The following SH3TC2 variants were observed in gnomAD, a reference collection of about 807,000 sequenced individuals.
SH3TC2 encodes the protein SH3 domain and tetratricopeptide repeats 2, also known as SH3 domain and tetratricopeptide repeat-containing protein 2.
SH3TC2 carries 87 observed loss-of-function variants against 124.5 expected under a neutral mutation model. The observed-to-expected ratio is 0.70, with a 90% CI of 0.59 to 0.84. The LOEUF is 0.84. Ranked by LOEUF, SH3TC2 falls within the 40% of genes least tolerant of loss-of-function variation. The pLI, the probability that SH3TC2 is intolerant of heterozygous loss-of-function variation, is 0.00. For synonymous variants in SH3TC2, 634 were observed against 628.5 expected (o/e 1.01, Z -0.13); for missense variants, 1,536 against 1,566.4 (o/e 0.98, Z 0.33).
At position 149,041,441 on chromosome 5, in the gene SH3TC2, C is replaced by T. The variant is rs1441555062; in HGVS notation, c.706G>A (p.Glu236Lys). Reference sequence around the variant, plus strand: ...TGGTGGAAAGGGAGAGGCAGAGGCTCCAAGGCTGACACCAGTACCAGGCCC... The same window carrying T: ...TGGTGGAAAGGGAGAGGCAGAGGCTTCAAGGCTGACACCAGTACCAGGCCC... Reference protein sequence around the residue: ...QRGLVLVSALEPLPLPFHQWF... With the variant: ...QRGLVLVSALKPLPLPFHQWF... Residue 236 changes from glutamate to lysine, a missense_variant, in exon 6 of 17, where the codon GAG (glutamate) becomes AAG (lysine). Transcript: ENST00000515425. 6.2e-7 allele frequency: 1 copy of T among 1,613,074 alleles called. No homozygotes were observed. The highest frequency in any genetic ancestry group is 1.3e-5 in the African/African-American group (1 of 74,886).
rs1378822623 is a variant in SH3TC2, at chr5:148,991,227, T to A, written c.*13484A>T. 6.6e-6 allele frequency among the ~76,000 whole-genome samples: 1 copy of A among 152,228 alleles called. No individual in the cohort carries two copies. Among genetic ancestry groups the A allele is most frequent in the African/African-American group, 2.4e-5 (1 of 41,462 alleles). Reference sequence around the variant, plus strand: ...CTCTATACAAAAGCTTTTACCCATATACCACATTGGATGTGAGAGTGAATA... The same window carrying A: ...CTCTATACAAAAGCTTTTACCCATAAACCACATTGGATGTGAGAGTGAATA... On this transcript the variant is annotated 3_prime_UTR_variant, in exon 17 of 17. Coordinates refer to ENST00000515425, the MANE Select transcript of SH3TC2 (RefSeq NM_024577.4).
At chr5:149,053,826 T>TA (rs150541469) in intron 1 of SH3TC2, among the ~76,000 whole-genome samples, 12 of 149,252 alleles carry the variant, frequency 8.0e-5, no homozygotes, top group South Asian at 2.1e-4. Context: ...TCATCCCAGC[T>TA]AAAAAAAAAA....
rs115296613 is a variant in SH3TC2, at chr5:148,990,513, G to A, written c.*14198C>T. Among the ~76,000 whole-genome samples, 278 of 152,240 alleles carry A rather than the reference G, an allele frequency of 1.8e-3. No homozygotes were observed. Among genetic ancestry groups the A allele is most frequent in the African/African-American group, 6.3e-3 (260 of 41,544 alleles). On this transcript the variant is annotated 3_prime_UTR_variant, in exon 17 of 17. Transcript: ENST00000515425. ...AAGGAGATCAGAGCAGCTTGGTGGCGAACAGCATGGGCCCTTGGACCAGAT... is the reference window on the plus strand; with the variant it reads ...AAGGAGATCAGAGCAGCTTGGTGGCAAACAGCATGGGCCCTTGGACCAGAT...
chr5:149,007,159 T>TA (rs1449999575), intron 15 of SH3TC2, 82 bp from the exon 16 acceptor site: 1 of 1,367,544 alleles, frequency 7.3e-7, no homozygotes, highest in Admixed American at 1.7e-5. Context: ...ATAAAACTTT[T>TA]TGAAGGTCTA....
Position 148,982,159 on chromosome 5 carries a change from T to A in SH3TC2, c.*22552A>T, listed in dbSNP as rs1753260516. Among the ~76,000 whole-genome samples, 1 of 149,514 alleles carries A rather than the reference T, an allele frequency of 6.7e-6. No homozygotes were observed. The highest frequency in any genetic ancestry group is 2.5e-5 in the African/African-American group (1 of 39,660). On this transcript the variant is annotated 3_prime_UTR_variant, in exon 17 of 17. Transcript: ENST00000515425. The stretch of plus-strand genomic sequence containing the variant: ...GTCTCTGGAAACAGGATTCCAGTAT[T>A]TTTTTTTTATTTCTGTAGTTTAAAT...
chr5:149,043,664 A>G (rs961134444), intron 4 of SH3TC2: 11 of 148,928 alleles, frequency 7.4e-5, no homozygotes, highest in Non-Finnish European at 8.9e-5. Flanking sequence ...TTTTTTTTTA[A>G]CAGACTCTAT....
rs1753568606 is a variant in SH3TC2, at chr5:148,999,893, C to A, written c.*4818G>T. On this transcript the variant is annotated 3_prime_UTR_variant, in exon 17 of 17. Coordinates refer to ENST00000515425, the MANE Select transcript of SH3TC2 (RefSeq NM_024577.4). Reference sequence around the variant, plus strand: ...CTTTGCTTCCCTGAATCTGCTCCAGCCTCACTGCACTCAGAGTGACCTGTT... The same window carrying A: ...CTTTGCTTCCCTGAATCTGCTCCAGACTCACTGCACTCAGAGTGACCTGTT... 6.6e-6 allele frequency among the ~76,000 whole-genome samples: 1 copy of A among 152,132 alleles called. No homozygotes were observed. Among genetic ancestry groups the A allele is most frequent in the Non-Finnish European group, 1.5e-5 (1 of 68,008 alleles).
chr5:148,995,848 A>G lies in SH3TC2; in HGVS notation c.*8863T>C, dbSNP rs1470781738. On this transcript the variant is annotated 3_prime_UTR_variant, in exon 17 of 17. Coordinates refer to ENST00000515425, the MANE Select transcript of SH3TC2 (RefSeq NM_024577.4). The stretch of plus-strand genomic sequence containing the variant: ...TTATTAAAATAAAAAAACTCACATA[A>G]AGTACACTTTTAAACTATGATAAGT... Among the ~76,000 whole-genome samples the G allele has an allele frequency of 2.0e-5, 3 of 152,152 alleles. No individual in the cohort carries two copies. The highest frequency in any genetic ancestry group is 2.9e-5 in the Non-Finnish European group (2 of 68,022).
chr5:149,001,874 T>G lies in SH3TC2; in HGVS notation c.*2837A>C, dbSNP rs1385920265. On this transcript the variant is annotated 3_prime_UTR_variant, in exon 17 of 17. Transcript: ENST00000515425. ...CGCTCTTCACGTATGTGTGTGTATGTGTATGCATATGCAAATGCATGTGCA... is the reference window on the plus strand; with the variant it reads ...CGCTCTTCACGTATGTGTGTGTATGGGTATGCATATGCAAATGCATGTGCA... 1 of 152,246 alleles carries G rather than the reference T, an allele frequency of 6.6e-6. No homozygotes were observed. The highest frequency in any genetic ancestry group is 2.4e-5 in the African/African-American group (1 of 41,468). The allele number at this position is 152,246 out of a possible 1,614,324, so 9.4% of individuals were successfully genotyped here.
intron 5 of SH3TC2, 129 bp from the exon 6 acceptor site, chr5:149,041,746 C>T (rs891962025): frequency 4.0e-6 from 4 of 988,346 alleles, no homozygotes; most frequent in African/African-American, 3.2e-5. Flanking sequence ...AGACGTTTCA[C>T]AGGGGAGACA....
chr5:149,045,339 G>A (rs562135752), intron 3 of SH3TC2: 4 of 152,268 alleles, frequency 2.6e-5, no homozygotes, highest in African/African-American at 9.6e-5. Context: ...GGTTACATGT[G>A]CCATTGTTGC....
At chr5:149,007,784 G>A (rs1416549968) in intron 15 of SH3TC2, 6 of 152,646 alleles carry the variant, frequency 3.9e-5, no homozygotes, top group Admixed American at 6.5e-5. Context: ...TTGCAAGGTG[G>A]CTGTGGGATA....
intron 1 of SH3TC2, among the ~76,000 whole-genome samples, chr5:149,053,261 T>A (rs1481606821): frequency 6.6e-6 from 1 of 152,216 alleles, no homozygotes; most frequent in African/African-American, 2.4e-5. Context: ...TCACACTCAC[T>A]TCTGGTTAAT....
rs1190223695 is a variant in SH3TC2, at chr5:148,995,107, T to C, written c.*9604A>G. On this transcript the variant is annotated 3_prime_UTR_variant, in exon 17 of 17. Transcript: ENST00000515425. ...TATATAAGCCAAGGTCCCTGCTCCC[T>C]AGATTTTCTATCATCCCTCCTCCTT... Among the ~76,000 whole-genome samples the C allele has an allele frequency of 6.6e-6, 1 of 152,204 alleles. No homozygotes were observed. The highest frequency in any genetic ancestry group is 2.4e-5 in the African/African-American group (1 of 41,452).
chr5:149,020,860 G>A (rs1753956898), intron 12 of SH3TC2, among the ~76,000 whole-genome samples: 1 of 151,986 alleles, frequency 6.6e-6, no homozygotes, highest in African/African-American at 2.4e-5. Context: ...AACAACTAGA[G>A]GTTTTAATAA....
Position 149,008,987 on chromosome 5 carries a change from A to G in SH3TC2, c.3342T>C (p.Pro1114=), listed in dbSNP as rs539050856. ...TCACCGCCTTCAACCTCCTTGCTAA[A>G]GGAACAGCTCCAGCCTAGGAACAGA... ...AVEYYRAGAV[P]LARRLKAVRT... Residue 1114 remains proline, a synonymous_variant, in exon 15 of 17, where the codon CCT becomes CCC. Transcript: ENST00000515425. 6.2e-7 allele frequency: 1 copy of G among 1,614,186 alleles called. No homozygotes were observed. The highest frequency in any genetic ancestry group is 2.2e-5 in the East Asian group (1 of 44,882).
intron 3 of SH3TC2, chr5:149,046,972 G>C (rs1210775767): frequency 6.6e-6 from 1 of 152,108 alleles, no homozygotes; most frequent in African/African-American, 2.4e-5. Context: ...ATGACATTTA[G>C]AACACTTTTC....
chr5:148,999,227 TG>T lies in SH3TC2; in HGVS notation c.*5483del, dbSNP rs1400383921. On this transcript the variant is annotated 3_prime_UTR_variant, in exon 17 of 17. Transcript: ENST00000515425. ...GGGTGCCTGGCCACACCTCCAGGTT[TG>T]GCTGCACTTCTCAATGTCAAGGCTT... is the stretch of plus-strand genomic sequence containing the variant. 6.6e-6 allele frequency among the ~76,000 whole-genome samples: 1 copy of T among 152,266 alleles called. No individual in the cohort carries two copies. Among genetic ancestry groups the T allele is most frequent in the Non-Finnish European group, 1.5e-5 (1 of 68,038 alleles).
intron 7 of SH3TC2, 86 bp downstream of exon 7, chr5:149,040,518 T>G: frequency 1.6e-6 from 2 of 1,277,468 alleles, no homozygotes; most frequent in Non-Finnish European, 2.3e-6. Flanking sequence ...AAAATTCACA[T>G]CAACTGACTC....
Sources: allele counts gnomAD v4.1 joint callset (sites outside exome capture counted in the v4.1 genomes callset), GRCh38; gene constraint gnomAD v4.1.1; transcripts MANE v1.5; gene names NCBI Gene and HGNC (gene_info 2026-07-23, HGNC 2026-07-21).